The following ASIC2 variants were observed in gnomAD, a reference collection of about 807,000 sequenced individuals.
ASIC2 encodes acid sensing ion channel subunit 2.
ASIC2 carries 25 observed loss-of-function variants against 57.3 expected under a neutral mutation model. That is an observed-to-expected ratio of 0.44 (90% CI 0.32 to 0.61). The LOEUF is 0.61. ASIC2 is among the 20% of genes least tolerant of loss of function. The pLI, the probability that ASIC2 is intolerant of heterozygous loss-of-function variation, is 0.06. For missense variants in ASIC2, 641 were observed against 738.1 expected, an observed-to-expected ratio of 0.87 and a Z score of 1.52; for synonymous variants, 319 against 307.5, an observed-to-expected ratio of 1.04 and a Z score of -0.39.
intron 1 of ASIC2, among the ~76,000 whole-genome samples, chr17:33,229,257 G>A (rs1161051097): frequency 1.3e-5 from 2 of 152,174 alleles, no homozygotes; most frequent in African/African-American, 4.8e-5. Flanking sequence ...TAAGCCCTAC[G>A]GAAATTACAA....
At chr17:33,995,687 C>T (rs1261036713) in intron 1 of ASIC2, among the ~76,000 whole-genome samples, 1 of 152,030 alleles carries the variant, frequency 6.6e-6, no homozygotes, top group Admixed American at 6.6e-5. Flanking sequence ...TACACACACA[C>T]AAATGCACGT....
chr17:33,553,753 T>C (rs1228899373), intron 1 of ASIC2, among the ~76,000 whole-genome samples: 3 of 152,198 alleles, frequency 2.0e-5, no homozygotes, highest in Non-Finnish European at 4.4e-5. Context: ...AATTATGTGG[T>C]AGTAGATATT....
intron 7 of ASIC2, among the ~76,000 whole-genome samples, chr17:33,019,144 G>C (rs1281945166): frequency 1.3e-5 from 2 of 152,162 alleles, no homozygotes; most frequent in Non-Finnish European, 2.9e-5. Context: ...TGTGATGTAC[G>C]TGTGCAGTGT....
chr17:33,956,976 C>T (rs1904755040), intron 1 of ASIC2, among the ~76,000 whole-genome samples: 1 of 152,224 alleles, frequency 6.6e-6, no homozygotes, highest in Non-Finnish European at 1.5e-5. Context: ...GGCCATGGGC[C>T]TGGCAGCTGC....
At chr17:33,958,739 T>G (rs372843280) in intron 1 of ASIC2, among the ~76,000 whole-genome samples, 1 of 152,190 alleles carries the variant, frequency 6.6e-6, no homozygotes, top group Non-Finnish European at 1.5e-5. Context: ...TGGAGACATT[T>G]TCCCTGTTGT....
chr17:34,156,526 G>C lies in ASIC2; in HGVS notation c.7C>G (p.Leu3Val), dbSNP rs1264169023. The C allele has an allele frequency of 6.3e-6, 10 of 1,589,704 alleles. No individual in the cohort carries two copies. The highest frequency in any genetic ancestry group is 7.7e-6 in the Non-Finnish European group (9 of 1,164,424). The change falls in exon 1 of 10, where the codon CTC becomes GTC. Residue 3 changes from leucine to valine, a missense_variant. By Grantham distance (32) the Leu-to-Val change is conservative. Coordinates refer to the ASIC2 transcript ENST00000359872. This position sits in a 1 kb window ranked among gnomAD's most constrained non-coding sequence, Gnocchi z 4.4. ...CTGCCCTCACTGGGGCTTTCCTTGA[G>C]GTCCATCGGGACCCCGTGCAGTTCC...
chr17:34,136,298 T>C (rs780897721), intron 1 of ASIC2, among the ~76,000 whole-genome samples: 3 of 152,232 alleles, frequency 2.0e-5, no homozygotes, highest in African/African-American at 4.8e-5. Context: ...CCATCTCTTA[T>C]GGGGAAAATT....
At chr17:33,272,559 G>A (rs186913280) in intron 1 of ASIC2, among the ~76,000 whole-genome samples, 91 of 152,212 alleles carry the variant, frequency 6.0e-4, no homozygotes, top group African/African-American at 2.1e-3. Flanking sequence ...ATAAACCCAT[G>A]AGCCCTGCCC....
intron 1 of ASIC2, among the ~76,000 whole-genome samples, chr17:33,885,617 C>G (rs1914810371): frequency 6.6e-6 from 1 of 152,158 alleles, no homozygotes. Context: ...ATCATAACTG[C>G]TGGAGTCAAG....
intron 3 of ASIC2, among the ~76,000 whole-genome samples, chr17:33,062,229 C>T (rs1162540054): frequency 1.3e-5 from 2 of 152,008 alleles, no homozygotes; most frequent in Admixed American, 6.6e-5. Context: ...GCTCTTGCTT[C>T]TCTAGTTCTT....
chr17:33,474,885 C>T (rs548514863), intron 1 of ASIC2, among the ~76,000 whole-genome samples: 271 of 152,190 alleles, frequency 1.8e-3, no homozygotes, highest in Middle Eastern at 6.8e-3. Context: ...GAGCCCTAGC[C>T]GGAAGTGAGC....
intron 1 of ASIC2, among the ~76,000 whole-genome samples, chr17:33,309,017 C>A (rs904777305): frequency 3.9e-5 from 6 of 152,162 alleles, no homozygotes; most frequent in Non-Finnish European, 8.8e-5. Context: ...TGCCACACTG[C>A]AACTAGGGAT....
intron 1 of ASIC2, among the ~76,000 whole-genome samples, chr17:33,737,787 C>T (rs572042920): frequency 6.6e-6 from 1 of 152,260 alleles, no homozygotes; most frequent in South Asian, 2.1e-4. Context: ...AAGGAAGAGA[C>T]AGTTTACTTT....
chr17:33,866,093 A>G (rs1413921444), intron 1 of ASIC2, among the ~76,000 whole-genome samples: 2 of 152,060 alleles, frequency 1.3e-5, no homozygotes, highest in African/African-American at 4.8e-5. Flanking sequence ...GTTCATTTTT[A>G]TTTTTATAGT....
chr17:33,866,719 T>G (rs1027226778), intron 1 of ASIC2, among the ~76,000 whole-genome samples: 1 of 152,200 alleles, frequency 6.6e-6, no homozygotes, highest in African/African-American at 2.4e-5. Flanking sequence ...GATCTCTATA[T>G]GTCAGGCAAC....
rs142875943 is a variant in ASIC2, at chr17:34,011,627, C to T, written c.555+144351G>A. ...AGGAGAGGTTAATAGGCATGGCCTC[C>T]GCCTCCACTCCTCCCAGCACTCCTC... On this transcript the variant is annotated intron_variant, in intron 1 of 9. Coordinates refer to the ASIC2 transcript ENST00000359872. Among the ~76,000 whole-genome samples the T allele has an allele frequency of 1.3e-3, 203 of 152,290 alleles. 1 individual carries two copies. Among genetic ancestry groups the T allele is most frequent in the South Asian group, 0.013 (62 of 4,814 alleles).
chr17:34,148,020 G>T (rs1215014728), intron 1 of ASIC2, among the ~76,000 whole-genome samples: 1 of 152,108 alleles, frequency 6.6e-6, no homozygotes, highest in East Asian at 1.9e-4. Context: ...CCAAAATTTT[G>T]TTAAATTCAT....
intron 1 of ASIC2, among the ~76,000 whole-genome samples, chr17:33,284,092 G>A (rs1409106823): frequency 6.6e-6 from 1 of 152,188 alleles, no homozygotes; most frequent in East Asian, 1.9e-4. Flanking sequence ...CTCAATAAAC[G>A]TGTGTGGAAT....
At chr17:34,134,987 T>C (rs997691385) in intron 1 of ASIC2, among the ~76,000 whole-genome samples, 7 of 152,212 alleles carry the variant, frequency 4.6e-5, no homozygotes, top group African/African-American at 1.7e-4. Context: ...TGAACAGCTA[T>C]AGCCAACCAC....
Sources: allele counts gnomAD v4.1 joint callset (sites outside exome capture counted in the v4.1 genomes callset), GRCh38; gene constraint gnomAD v4.1.1; non-coding constraint Gnocchi (gnomAD v3.1); transcripts MANE v1.5; gene names NCBI Gene and HGNC (gene_info 2026-07-23, HGNC 2026-07-21).